Variants in KIAA0513 observed in about 807,000 individuals in gnomAD.
The protein encoded by KIAA0513 is uncharacterized protein KIAA0513.
A neutral mutation model predicts 56.5 loss-of-function variants in KIAA0513; 39 were observed. That is an observed-to-expected ratio of 0.69 (90% CI 0.53 to 0.90). The LOEUF is 0.90. Ranked by LOEUF, KIAA0513 falls within the 40% of genes least tolerant of loss-of-function variation. The pLI, the probability that KIAA0513 is intolerant of heterozygous loss-of-function variation, is 0.00. For missense variants in KIAA0513, 591 were observed against 535.2 expected, an observed-to-expected ratio of 1.10 and a Z score of -1.03; for synonymous variants, 268 against 215.6, an observed-to-expected ratio of 1.24 and a Z score of -2.13.
rs1284128740 is a variant in KIAA0513, at chr16:85,071,888, G to T, written c.429+6G>T. On this transcript the variant is annotated splice_donor_region_variant and intron_variant, in intron 3 of 12. Transcript: ENST00000683363. ...CTCGATACGTGAGTGCCCAGGTAAG[G>T]GCGAGGTGATGGGAAGGATGGGCGT... The T allele has an allele frequency of 1.3e-6, 2 of 1,584,600 alleles. No individual in the cohort carries two copies. The highest frequency in any genetic ancestry group is 2.2e-5 in the South Asian group (2 of 89,724).
intron 8 of KIAA0513, chr16:85,079,394 A>G (rs2073709149): frequency 4.8e-6 from 1 of 209,992 alleles, no homozygotes; most frequent in African/African-American, 2.2e-5. Flanking sequence ...AACCACCTTC[A>G]TGGCTGTCCA....
At chr16:85,038,278 C>T (rs67231081) in intron 1 of KIAA0513, among the ~76,000 whole-genome samples, 38 of 152,314 alleles carry the variant, frequency 2.5e-4, no homozygotes, top group African/African-American at 7.5e-4. Flanking sequence ...CCGCTTTCTC[C>T]GGCTGAAGGT....
chr16:85,052,396 C>T (rs1185038251), intron 1 of KIAA0513, among the ~76,000 whole-genome samples: 1 of 152,120 alleles, frequency 6.6e-6, no homozygotes, highest in Non-Finnish European at 1.5e-5. Context: ...CCTGTAATCC[C>T]AGCTACTCGG....
At position 85,067,032 on chromosome 16, in the gene KIAA0513, C is replaced by G. The variant is rs1227956150; in HGVS notation, c.-40C>G. 8 of 1,499,540 alleles carry G rather than the reference C, an allele frequency of 5.3e-6. No homozygotes were observed. The highest frequency in any genetic ancestry group is 5.3e-6 in the Non-Finnish European group (6 of 1,124,300). The allele number at this position is 1,499,540 out of a possible 1,614,324, so 92.9% of individuals were successfully genotyped here. A position where few individuals can be genotyped will look rare whatever the true frequency, so the allele number is the denominator to read the frequency against. On this transcript the variant is annotated 5_prime_UTR_variant, in exon 2 of 13. Coordinates refer to ENST00000683363, the MANE Select transcript of KIAA0513 (RefSeq NM_001388359.1). ...GGCTGCTGGGCTCCCCTCTAGGCAG[C>G]CTCCCCTCCAGGCAGCCTCACCAGC...
At chr16:85,061,347 A>G (rs996390867) in intron 1 of KIAA0513, among the ~76,000 whole-genome samples, 14 of 152,146 alleles carry the variant, frequency 9.2e-5, no homozygotes, top group Admixed American at 3.3e-4. Flanking sequence ...AGAGGTGAGG[A>G]TGACGTGGGG....
At chr16:85,050,134 C>T (rs1021232686) in intron 1 of KIAA0513, among the ~76,000 whole-genome samples, 23 of 152,064 alleles carry the variant, frequency 1.5e-4, no homozygotes, top group African/African-American at 4.3e-4. Context: ...CCTCACCCTG[C>T]ACTGTCTCGG....
At position 85,092,457 on chromosome 16, in the gene KIAA0513, G is replaced by A; in HGVS notation, c.*4132G>A. 1 of 152,226 alleles carries A rather than the reference G, an allele frequency of 6.6e-6. No individual in the cohort carries two copies. The highest frequency in any genetic ancestry group is 1.9e-4 in the East Asian group (1 of 5,194). The allele number at this position is 152,226 out of a possible 1,614,324, so 9.4% of individuals were successfully genotyped here. A position where few individuals can be genotyped will look rare whatever the true frequency, so the allele number is the denominator to read the frequency against. On this transcript the variant is annotated 3_prime_UTR_variant, in exon 13 of 13. Transcript: ENST00000683363. Reference sequence around the variant, plus strand: ...GCAGGGTGGCAGTGGCCCAGCCCCAGCCTCAGGGACGGGGAGGGAGAGCCC... The same window carrying A: ...GCAGGGTGGCAGTGGCCCAGCCCCAACCTCAGGGACGGGGAGGGAGAGCCC...
intron 1 of KIAA0513, among the ~76,000 whole-genome samples, chr16:85,060,212 C>T (rs2073384090): frequency 6.6e-6 from 1 of 152,242 alleles, no homozygotes; most frequent in South Asian, 2.1e-4. Flanking sequence ...CCTCCTGCCT[C>T]AGCCTCCCAA....
At chr16:85,084,858 C>T (rs537489279) in intron 10 of KIAA0513, among the ~76,000 whole-genome samples, 48 of 152,348 alleles carry the variant, frequency 3.2e-4, no homozygotes, top group African/African-American at 1.1e-3. Flanking sequence ...CCACCGCACC[C>T]GGCCTGAACT....
At chr16:85,056,054 T>G (rs571543027) in intron 1 of KIAA0513, among the ~76,000 whole-genome samples, 1 of 152,364 alleles carries the variant, frequency 6.6e-6, no homozygotes, top group South Asian at 2.1e-4. Flanking sequence ...TGTTTGTGCC[T>G]GTGGTTCAGC....
chr16:85,028,059 C>G (rs1467828134), intron 1 of KIAA0513, among the ~76,000 whole-genome samples: 1 of 152,120 alleles, frequency 6.6e-6, no homozygotes, highest in Non-Finnish European at 1.5e-5. Context: ...GGCCGGGGTT[C>G]TCCGCGGGCT....
chr16:85,067,657 C>T (rs1415483755), intron 2 of KIAA0513, among the ~76,000 whole-genome samples: 1 of 152,170 alleles, frequency 6.6e-6, no homozygotes, highest in Non-Finnish European at 1.5e-5. Flanking sequence ...GGGTGAGGCC[C>T]AGCATCAAAG....
intron 6 of KIAA0513, among the ~76,000 whole-genome samples, chr16:85,078,159 G>A (rs1174579171): frequency 2.6e-5 from 4 of 152,138 alleles, no homozygotes; most frequent in East Asian, 1.9e-4. Context: ...GGCCACAGCC[G>A]GGTGCCTTGG....
chr16:85,086,449 C>G (rs931524988), intron 10 of KIAA0513, among the ~76,000 whole-genome samples, 195 bp from the exon 11 acceptor site: 2 of 152,248 alleles, frequency 1.3e-5, no homozygotes, highest in African/African-American at 4.8e-5. Flanking sequence ...TTGGGGACCC[C>G]AAGCGCGGTG....
chr16:85,077,037 C>T (rs1041118743), intron 5 of KIAA0513, among the ~76,000 whole-genome samples: 14 of 152,140 alleles, frequency 9.2e-5, no homozygotes, highest in African/African-American at 3.4e-4. Flanking sequence ...CCCCCCCAAC[C>T]CGGTGTCTCC....
intron 12 of KIAA0513, 149 bp from the exon 13 acceptor site, chr16:85,088,127 C>T (rs3751753): frequency 1.0e-5 from 7 of 701,724 alleles, no homozygotes; most frequent in South Asian, 5.0e-5. Flanking sequence ...GCACGCAAGC[C>T]GTGTGGCCTG....
At chr16:85,049,686 T>A (rs1268300092) in intron 1 of KIAA0513, among the ~76,000 whole-genome samples, 1 of 152,182 alleles carries the variant, frequency 6.6e-6, no homozygotes. Context: ...TCCTGAGGCA[T>A]CCCCAGAAGT....
rs1356601937 is a variant in KIAA0513 at position 85,093,221 on chromosome 16, A to G, written c.*4896A>G. 1.4e-5 allele frequency: 2 copies of G among 138,670 alleles called. No individual in the cohort carries two copies. The highest frequency in any genetic ancestry group is 7.3e-5 in the Admixed American group (1 of 13,642). 8.6% of individuals were successfully genotyped at this position (138,670 alleles called of 1,614,324 possible). On this transcript the variant is annotated 3_prime_UTR_variant, in exon 13 of 13. Transcript: ENST00000683363. The stretch of plus-strand genomic sequence containing the variant: ...GCTGTGCCTGGGGATGCACGTGGCC[A>G]CGGGATTTCAGTGGGACAGCGCTCC...
rs1489479104 is a variant in KIAA0513 at position 85,087,020 on chromosome 16, G to T, written c.1092-52G>T. 4 of 1,559,782 alleles carry T rather than the reference G, an allele frequency of 2.6e-6. No homozygotes were observed. In the South Asian group the frequency reaches 4.5e-5, roughly 17 times the overall value. ...CCAGAGACAAGGGCCCAGCTCCCCG[G>T]CCCTTTCCCCTGGGAGGCCAGCGGG... On this transcript the variant is annotated intron_variant, in intron 11 of 12. Transcript: ENST00000683363.
Sources: gnomAD v4.1 joint callset for allele counts (sites outside exome capture counted in the v4.1 genomes callset) on GRCh38, gnomAD v4.1.1 for gene constraint, MANE v1.5 for transcripts, NCBI Gene and HGNC (gene_info 2026-07-23, HGNC 2026-07-21) for gene names.